Variants in GMDS observed in about 807,000 individuals in gnomAD.
The protein encoded by GMDS is GDP-mannose 4,6 dehydratase.
A neutral mutation model predicts 49.9 loss-of-function variants in GMDS; 20 were observed. The observed-to-expected ratio is 0.40, with a 90% confidence interval of 0.28 to 0.58. The LOEUF is 0.58. GMDS is among the 20% of genes least tolerant of loss of function. GMDS has a pLI of 0.42. For synonymous variants in GMDS, 177 were observed against 178.6 expected, an observed-to-expected ratio of 0.99 and a Z score of 0.07; for missense variants, 362 against 481.4, an observed-to-expected ratio of 0.75 and a Z score of 2.32.
chr6:2,034,817 G>A (rs1385534989), intron 4 of GMDS, among the ~76,000 whole-genome samples: 4 of 152,120 alleles, frequency 2.6e-5, no homozygotes, highest in Admixed American at 6.5e-5. Flanking sequence ...TACCTGATAC[G>A]TATTAAAACA....
chr6:1,904,830 G>T (rs1760675688), intron 7 of GMDS, among the ~76,000 whole-genome samples: 1 of 152,208 alleles, frequency 6.6e-6, no homozygotes, highest in Non-Finnish European at 1.5e-5. Flanking sequence ...CCTCCTTGGG[G>T]GTGGCAGAAG....
chr6:1,765,603 G>A (rs1471698171), intron 7 of GMDS, among the ~76,000 whole-genome samples: 2 of 152,184 alleles, frequency 1.3e-5, no homozygotes, highest in Non-Finnish European at 2.9e-5. Context: ...ACTGAGACAT[G>A]CTTGGAGGAC....
chr6:1,913,406 A>AAAAG (rs1561885698), intron 7 of GMDS, among the ~76,000 whole-genome samples: 24 of 151,032 alleles, frequency 1.6e-4, no homozygotes, highest in Non-Finnish European at 3.0e-4. Context: ...AAAAAAAAAA[A>AAAAG]AAAGAAAGTT....
At chr6:1,770,646 A>T (rs1373340263) in intron 7 of GMDS, among the ~76,000 whole-genome samples, 2 of 152,216 alleles carry the variant, frequency 1.3e-5, no homozygotes, top group East Asian at 3.8e-4. Flanking sequence ...TGGTTTTATG[A>T]AGTCAAACTT....
At chr6:2,080,329 G>A (rs533586729) in intron 4 of GMDS, among the ~76,000 whole-genome samples, 6 of 152,072 alleles carry the variant, frequency 3.9e-5, no homozygotes, top group East Asian at 1.9e-4. Context: ...CTTTTTGATC[G>A]GAATCATTGC....
chr6:1,764,094 G>T (rs535553538), intron 7 of GMDS, among the ~76,000 whole-genome samples: 20 of 148,156 alleles, frequency 1.3e-4, no homozygotes, highest in Admixed American at 1.0e-3. Flanking sequence ...AAGGAGCGAA[G>T]AAAAAAAAAA....
intron 4 of GMDS, among the ~76,000 whole-genome samples, chr6:2,011,163 G>A (rs1767534576): frequency 6.6e-6 from 1 of 152,076 alleles, no homozygotes. Context: ...TTTTTCAAAA[G>A]AAGACATACA....
chr6:2,183,489 T>C (rs1581762335), intron 1 of GMDS, among the ~76,000 whole-genome samples: 1 of 152,204 alleles, frequency 6.6e-6, no homozygotes, highest in East Asian at 1.9e-4. Context: ...TTCTTATAGA[T>C]AAGCAAAGAA....
At chr6:1,939,779 A>G (rs959051399) in intron 6 of GMDS, among the ~76,000 whole-genome samples, 6 of 152,208 alleles carry the variant, frequency 3.9e-5, no homozygotes, top group Non-Finnish European at 7.3e-5. Context: ...TTAAGACATG[A>G]ATAATAGCCA....
chr6:2,077,827 A>G (rs1772435951), intron 4 of GMDS, among the ~76,000 whole-genome samples: 1 of 152,004 alleles, frequency 6.6e-6, no homozygotes, highest in Non-Finnish European at 1.5e-5. Flanking sequence ...CTTTCTCTTC[A>G]ATTTTTTGGA....
In GMDS at chr6:1,836,347, G is replaced by T. The variant is rs921279367; in HGVS notation, c.771+93756C>A. Among the ~76,000 whole-genome samples, 1 of 152,090 alleles carries T rather than the reference G, an allele frequency of 6.6e-6. No homozygotes were observed. The highest frequency in any genetic ancestry group is 1.5e-5 in the Non-Finnish European group (1 of 68,022). On this transcript the variant is annotated intron_variant, in intron 7 of 10. Coordinates refer to ENST00000380815, the MANE Select transcript of GMDS (RefSeq NM_001500.4). The surrounding 1 kb of genome is among the most constrained non-coding windows in gnomAD (Gnocchi z 4.2). ...AGGCCAAATGAAATGCTCACAGATCGGCATATGTATGTTACCACGTCACCA... is the reference window on the plus strand; with the variant it reads ...AGGCCAAATGAAATGCTCACAGATCTGCATATGTATGTTACCACGTCACCA...
chr6:2,225,734 G>A (rs947209588), intron 1 of GMDS, among the ~76,000 whole-genome samples: 2 of 152,208 alleles, frequency 1.3e-5, no homozygotes, highest in African/African-American at 4.8e-5. Flanking sequence ...CTAACGTACA[G>A]TAGAATAAGG....
intron 1 of GMDS, among the ~76,000 whole-genome samples, chr6:2,178,084 T>C (rs990165569): frequency 1.3e-5 from 2 of 152,030 alleles, no homozygotes; most frequent in African/African-American, 4.8e-5. Context: ...GAGATAAACA[T>C]TGGGTATTCA....
At chr6:2,053,648 TTATC>T (rs1305197131) in intron 4 of GMDS, among the ~76,000 whole-genome samples, 8 of 152,084 alleles carry the variant, frequency 5.3e-5, no homozygotes, top group Non-Finnish European at 1.0e-4. Flanking sequence ...GAGACATACA[TTATC>T]TAATAAGGTA....
chr6:1,670,072 T>C lies in GMDS; in HGVS notation c.988-45532A>G, dbSNP rs561036409. ...TGGTGTCACAAACGAGGGGAGATCT[T>C]GCACACTGTTTTGAAACCCATCACG... is the stretch of plus-strand genomic sequence containing the variant. On this transcript the variant is annotated intron_variant, in intron 9 of 10. Transcript: ENST00000380815. Among the ~76,000 whole-genome samples, 5 of 152,120 alleles carry C rather than the reference T, an allele frequency of 3.3e-5. No homozygotes were observed. In the East Asian group the frequency reaches 9.7e-4, roughly 29 times the overall value.
intron 9 of GMDS, among the ~76,000 whole-genome samples, chr6:1,719,732 T>C (rs961091978): frequency 5.3e-5 from 8 of 152,212 alleles, no homozygotes; most frequent in African/African-American, 1.9e-4. Context: ...AATGGATCTC[T>C]CATAAGTAAT....
intron 1 of GMDS, among the ~76,000 whole-genome samples, chr6:2,183,942 T>C (rs561899756): frequency 2.6e-5 from 4 of 152,364 alleles, no homozygotes; most frequent in Admixed American, 6.5e-5. Context: ...GTACACTTAA[T>C]AGACTACAGT....
At chr6:1,850,888 G>A (rs942416093) in intron 7 of GMDS, among the ~76,000 whole-genome samples, 1 of 152,190 alleles carries the variant, frequency 6.6e-6, no homozygotes, top group Admixed American at 6.5e-5. Flanking sequence ...GCAGCCCACT[G>A]ACTTGTGTTC....
intron 1 of GMDS, among the ~76,000 whole-genome samples, chr6:2,167,470 C>T (rs1037221827): frequency 2.0e-5 from 3 of 152,170 alleles, no homozygotes; most frequent in African/African-American, 4.8e-5. Context: ...ACATCATCTA[C>T]CAGAATGATC....
Sources: gnomAD v4.1 joint callset for allele counts (sites outside exome capture counted in the v4.1 genomes callset) on GRCh38, gnomAD v4.1.1 for gene constraint, Gnocchi (gnomAD v3.1) non-coding constraint, MANE v1.5 for transcripts, NCBI Gene and HGNC (gene_info 2026-07-23, HGNC 2026-07-21) for gene names.